Variants in TESC observed in about 807,000 individuals in gnomAD.
TESC encodes tescalcin.
Under a neutral mutation model 31.0 loss-of-function variants are expected in TESC, and 19 were observed. The observed-to-expected ratio is 0.61, with a 90% CI of 0.43 to 0.90. The LOEUF (loss-of-function observed/expected upper bound fraction) is 0.90. Among genes scored for constraint, TESC ranks in the 40% least tolerant of loss-of-function variants. TESC has a pLI of 0.00. For synonymous variants in TESC, 109 were observed against 114.8 expected (o/e 0.95, Z 0.32); for missense variants, 248 against 303.8 (o/e 0.82, Z 1.36).
At chr12:117,068,616 A>G (rs1026201438) in intron 2 of TESC, among the ~76,000 whole-genome samples, 1 of 152,216 alleles carries the variant, frequency 6.6e-6, no homozygotes, top group South Asian at 2.1e-4. Flanking sequence ...TGTCTGGGCT[A>G]TCAGAACATG....
At chr12:117,082,027 T>C (rs1024314403) in intron 1 of TESC, among the ~76,000 whole-genome samples, 1 of 143,482 alleles carries the variant, frequency 7.0e-6, no homozygotes, top group African/African-American at 2.7e-5. Context: ...AGTTCAAGAC[T>C]AGCCTGGGCA....
intron 1 of TESC, among the ~76,000 whole-genome samples, chr12:117,075,936 TATATGTATATATAC>T (rs1442537475): frequency 5.3e-5 from 6 of 113,596 alleles, no homozygotes; most frequent in African/African-American, 1.6e-4. Context: ...TATATATATA[TATATGTATATATAC>T]ATATATATAT....
chr12:117,079,117 G>C (rs78795651), intron 1 of TESC, among the ~76,000 whole-genome samples: 17,136 of 152,196 alleles, frequency 0.11, 955 homozygotes, highest in Non-Finnish European at 0.12. Context: ...TGGTCTGTCT[G>C]GCAGAAAACA....
intron 3 of TESC, among the ~76,000 whole-genome samples, chr12:117,052,667 C>T (rs1954664453): frequency 6.6e-6 from 1 of 152,162 alleles, no homozygotes; most frequent in Non-Finnish European, 1.5e-5. Context: ...CAGGAGATCC[C>T]TGACCATCTT....
chr12:117,081,966 G>A (rs1033158944), intron 1 of TESC, among the ~76,000 whole-genome samples: 3 of 151,548 alleles, frequency 2.0e-5, no homozygotes, highest in African/African-American at 7.3e-5. Flanking sequence ...GCTTGTGGCT[G>A]TAATCCCAGC....
At chr12:117,095,230 G>A (rs918689323) in intron 1 of TESC, among the ~76,000 whole-genome samples, 9 of 146,478 alleles carry the variant, frequency 6.1e-5, no homozygotes, top group African/African-American at 2.0e-4. Flanking sequence ...GTCTGCCACC[G>A]CGCACAGCTA....
chr12:117,075,913 A>ATATATGTGTGTGTGTGTG (rs1265957613), intron 1 of TESC, among the ~76,000 whole-genome samples: 1 of 51,964 alleles, frequency 1.9e-5, no homozygotes, highest in African/African-American at 1.0e-4. Context: ...ATATATATAT[A>ATATATGTGTGTGTGTGTG]TGTGTGTGTG....
intron 2 of TESC, among the ~76,000 whole-genome samples, chr12:117,073,950 G>A (rs1442296718): frequency 6.6e-6 from 1 of 152,108 alleles, no homozygotes; most frequent in African/African-American, 2.4e-5. Context: ...CAGGTCTGGT[G>A]CAGCGGTACA....
intron 6 of TESC, 109 bp downstream of exon 6, chr12:117,046,450 G>T: frequency 9.2e-7 from 1 of 1,084,446 alleles, no homozygotes; most frequent in Non-Finnish European, 1.3e-6. Flanking sequence ...GCCACAGGTA[G>T]AGCAGGTGGC....
chr12:117,052,754 C>G (rs535444591), intron 3 of TESC, among the ~76,000 whole-genome samples: 58 of 152,162 alleles, frequency 3.8e-4, no homozygotes, highest in African/African-American at 1.1e-3. Flanking sequence ...GATGCCCCCC[C>G]ACACCCAACC....
At chr12:117,083,575 T>C (rs980016832) in intron 1 of TESC, among the ~76,000 whole-genome samples, 3 of 152,194 alleles carry the variant, frequency 2.0e-5, no homozygotes, top group Non-Finnish European at 4.4e-5. Flanking sequence ...AAATGAAGCA[T>C]TGGTAAATGC....
chr12:117,065,836 C>A (rs747000525), intron 2 of TESC, among the ~76,000 whole-genome samples: 4 of 152,046 alleles, frequency 2.6e-5, no homozygotes, highest in African/African-American at 7.2e-5. Flanking sequence ...GAGCTGAGAT[C>A]GAACCACCAC....
At chr12:117,072,681 G>C (rs1036572065) in intron 2 of TESC, among the ~76,000 whole-genome samples, 12 of 152,242 alleles carry the variant, frequency 7.9e-5, no homozygotes, top group Admixed American at 3.9e-4. Context: ...AAACTGTCTT[G>C]AGGACAAAGG....
chr12:117,082,861 G>A (rs11068324), intron 1 of TESC, among the ~76,000 whole-genome samples: 1,694 of 152,136 alleles, frequency 0.011, 33 homozygotes, highest in African/African-American at 0.037. Flanking sequence ...TGCAATTTAC[G>A]GAGATTACTT....
At chr12:117,049,894 C>T (rs934248069) in intron 3 of TESC, among the ~76,000 whole-genome samples, 5 of 136,542 alleles carry the variant, frequency 3.7e-5, no homozygotes, top group Admixed American at 7.3e-5. Context: ...GAGGGAGACC[C>T]TGTCTCAAGA....
chr12:117,064,406 C>T (rs1339593104), intron 2 of TESC, among the ~76,000 whole-genome samples: 1 of 152,198 alleles, frequency 6.6e-6, no homozygotes, highest in African/African-American at 2.4e-5. Context: ...AGCTGGACAA[C>T]GTCGCCAAGA....
intron 1 of TESC, among the ~76,000 whole-genome samples, chr12:117,086,411 T>C (rs1955220014): frequency 3.3e-5 from 5 of 150,524 alleles, no homozygotes; most frequent in Admixed American, 2.7e-4. Flanking sequence ...CTGAACTGTA[T>C]ACTTTAAAAT....
intron 1 of TESC, among the ~76,000 whole-genome samples, chr12:117,092,329 G>A (rs1033820376): frequency 4.6e-5 from 7 of 152,306 alleles, no homozygotes; most frequent in African/African-American, 9.6e-5. Context: ...CTGTGGCTGC[G>A]ACAGATGGTG....
chr12:117,066,799 T>G (rs1344633012), intron 2 of TESC, among the ~76,000 whole-genome samples: 1 of 152,024 alleles, frequency 6.6e-6, no homozygotes, highest in African/African-American at 2.4e-5. Context: ...TTCTCAACCC[T>G]GTAGGATCCT....
Sources: gnomAD v4.1 joint callset for allele counts (sites outside exome capture counted in the v4.1 genomes callset) on GRCh38, gnomAD v4.1.1 for gene constraint, MANE v1.5 for transcripts, NCBI Gene and HGNC (gene_info 2026-07-23, HGNC 2026-07-21) for gene names.